Variants in PLCG1 observed in about 807,000 individuals in gnomAD.
The protein encoded by PLCG1 is 1-phosphatidylinositol 4,5-bisphosphate phosphodiesterase gamma-1.
A neutral mutation model predicts 177.8 loss-of-function variants in PLCG1; 71 were observed. That is an observed-to-expected ratio of 0.40 (90% CI 0.33 to 0.49). The LOEUF (loss-of-function observed/expected upper bound fraction) is 0.49, where lower values mean the gene tolerates loss of function less well. Ranked by LOEUF, PLCG1 falls within the 20% of genes least tolerant of loss-of-function variation. The pLI is 0.72. For synonymous variants in PLCG1, 658 were observed against 647.9 expected, an observed-to-expected ratio of 1.02 and a Z score of -0.24; for missense variants, 1,281 against 1,709.0, an observed-to-expected ratio of 0.75 and a Z score of 4.42.
intron 1 of PLCG1, among the ~76,000 whole-genome samples, chr20:41,152,364 CTT>C (rs1162040093): frequency 6.6e-6 from 1 of 152,226 alleles, no homozygotes; most frequent in African/African-American, 2.4e-5. Context: ...CTATAGGAAT[CTT>C]TATGTAAGGA....
rs556073938 is a variant in PLCG1, at chr20:41,166,275, C to T, written c.1881C>T (p.Leu627=). 28 of 1,614,172 alleles carry T rather than the reference C, an allele frequency of 1.7e-5. No individual in the cohort carries two copies. Among genetic ancestry groups the T allele is most frequent in the Middle Eastern group, 1.6e-4 (1 of 6,062 alleles). ...GTPKFFLTDN[L]VFDSLYDLIT... The stretch of plus-strand genomic sequence containing the variant: ...CCAAGTTCTTCTTGACAGACAACCT[C>T]GTCTTTGACTCCCTCTATGACCTCA... Residue 627 remains leucine (L), a synonymous_variant, in exon 17 of 32, where the codon CTC becomes CTT. Transcript: ENST00000685551. The surrounding 1 kb of genome is among the most constrained non-coding windows in gnomAD (Gnocchi z 8.6).
chr20:41,143,673 G>A (rs937499838), intron 1 of PLCG1, among the ~76,000 whole-genome samples: 2 of 152,214 alleles, frequency 1.3e-5, no homozygotes, highest in Non-Finnish European at 2.9e-5. Context: ...GAGCTGAAGT[G>A]CCTGGAGATT....
At position 41,157,204 on chromosome 20, in the gene PLCG1, CTGTGTG is replaced by C. The variant is rs35980938; in HGVS notation, c.218-2370_218-2365del. ...GTGCAGGAGTGCAGGCCTGTTGACTCTGTGTGTGTGTGTGTGTGTGTGTGTGTGTGT... is the reference window on the plus strand; with the variant it reads ...GTGCAGGAGTGCAGGCCTGTTGACTCTGTGTGTGTGTGTGTGTGTGTGTGT... On this transcript the variant is annotated intron_variant, in intron 1 of 31. Transcript: ENST00000685551. The surrounding 1 kb of genome is among the most constrained non-coding windows in gnomAD (Gnocchi z 5.4). 5.2e-3 allele frequency among the ~76,000 whole-genome samples: 745 copies of C among 144,022 alleles called. 4 individuals carry two copies. The highest frequency in any genetic ancestry group is 6.6e-3 in the African/African-American group (245 of 37,326). The allele number at this position is 144,022 out of a possible 152,430, so 94.5% of individuals were successfully genotyped here.
In PLCG1 at chr20:41,163,722, C is replaced by T; in HGVS notation, c.899C>T (p.Thr300Ile). 6.2e-7 allele frequency: 1 copy of T among 1,604,188 alleles called. No individual in the cohort carries two copies. Among genetic ancestry groups the T allele is most frequent in the Non-Finnish European group, 8.5e-7 (1 of 1,170,882 alleles). The change falls in exon 10 of 32, where the codon ACC becomes ATC. Residue 300 changes from threonine (T) to isoleucine (I), a missense_variant. Coordinates refer to ENST00000685551, the MANE Select transcript of PLCG1 (RefSeq NM_002660.3). The surrounding 1 kb of genome is among the most constrained non-coding windows in gnomAD (Gnocchi z 5.2). ...CCACATGTTTCTGGACAGTTTGTCA[C>T]CTTCCTGTTCTCCAAAGAGAACAGT... ...EPYFFLDEFVTFLFSKENSVW... is the reference protein window; with the variant it reads ...EPYFFLDEFVIFLFSKENSVW...
chr20:41,165,749 C>CGAG lies in PLCG1; in HGVS notation c.1723_1725dup (p.Glu575dup), dbSNP rs1568748353. On this transcript the variant is annotated inframe_insertion, in exon 16 of 32. Transcript: ENST00000685551. The surrounding 1 kb of genome is among the most constrained non-coding windows in gnomAD (Gnocchi z 6.6). ...AGCGCCTGCTTACTGAGTACTGCAT[C>CGAG]GAGACCGGAGCCCCTGACGGCTCCT... 1 of 1,612,516 alleles carries CGAG rather than the reference C, an allele frequency of 6.2e-7. No individual in the cohort carries two copies. Among genetic ancestry groups the CGAG allele is most frequent in the Non-Finnish European group, 8.5e-7 (1 of 1,178,874 alleles).
chr20:41,165,192 G>A lies in PLCG1; in HGVS notation c.1387-53G>A, dbSNP rs1464463999. ...GCTGTTGGGCCTAAACCTGGGTGAG[G>A]AGGTGGGGTGAGGACTGGGGTCTGC... On this transcript the variant is annotated intron_variant, in intron 13 of 31. Coordinates refer to ENST00000685551, the MANE Select transcript of PLCG1 (RefSeq NM_002660.3). The surrounding 1 kb of genome is among the most constrained non-coding windows in gnomAD (Gnocchi z 6.6). 2.5e-6 allele frequency: 4 copies of A among 1,608,376 alleles called. No homozygotes were observed. The highest frequency in any genetic ancestry group is 4.5e-5 in the East Asian group (2 of 44,822).
Position 41,148,158 on chromosome 20 carries a change from C to A in PLCG1, c.217+10300C>A, listed in dbSNP as rs2035054020. Among the ~76,000 whole-genome samples, 1 of 152,186 alleles carries A rather than the reference C, an allele frequency of 6.6e-6. No individual in the cohort carries two copies. On this transcript the variant is annotated intron_variant, in intron 1 of 31. Coordinates refer to ENST00000685551, the MANE Select transcript of PLCG1 (RefSeq NM_002660.3). The surrounding 1 kb of genome is among the most constrained non-coding windows in gnomAD (Gnocchi z 4.3). ...CGGTCATTATTTAGAACGTCTCCAG[C>A]CCCACAGATTTACTCTGTTGGAGGC...
chr20:41,145,936 G>A (rs1425129065), intron 1 of PLCG1, among the ~76,000 whole-genome samples: 6 of 152,208 alleles, frequency 3.9e-5, no homozygotes, highest in Non-Finnish European at 1.5e-5. Context: ...TGCAGTGGCT[G>A]TGTGCCCAGG....
intron 1 of PLCG1, among the ~76,000 whole-genome samples, chr20:41,152,036 C>A (rs1365994782): frequency 6.6e-6 from 1 of 152,206 alleles, no homozygotes; most frequent in African/African-American, 2.4e-5. Flanking sequence ...TGGAACTTTT[C>A]TTTGTCCATC....
Position 41,166,406 on chromosome 20 carries a change from GC to G in PLCG1, c.2000+14del. On this transcript the variant is annotated intron_variant, in intron 17 of 31. Transcript: ENST00000685551. This position sits in a 1 kb window ranked among gnomAD's most constrained non-coding sequence, Gnocchi z 8.6. ...CACGAGAGCAAAGAGTGAGGGAAGG[GC>G]CTGGGGGCGGACAAGGCAGGGCAGG... 1 of 1,614,054 alleles carries G rather than the reference GC, an allele frequency of 6.2e-7. No homozygotes were observed. Among genetic ancestry groups the G allele is most frequent in the Non-Finnish European group, 8.5e-7 (1 of 1,180,038 alleles).
At chr20:41,171,444 G>A (rs1038845207) in intron 24 of PLCG1, among the ~76,000 whole-genome samples, 1 of 151,954 alleles carries the variant, frequency 6.6e-6, no homozygotes, top group Non-Finnish European at 1.5e-5. Flanking sequence ...AAAATTAGCC[G>A]GGCATGTTGG....
Position 41,137,886 on chromosome 20 carries a change from C to T in PLCG1, c.217+28C>T. 1.6e-6 allele frequency: 2 copies of T among 1,237,422 alleles called. No homozygotes were observed. The highest frequency in any genetic ancestry group is 2.0e-6 in the Non-Finnish European group (2 of 977,490). 76.7% of individuals were successfully genotyped at this position (1,237,422 alleles called of 1,614,324 possible). ...AAGTGCGCCCACTTCCTGCCTGGGC[C>T]CGCCCCGCGCGGGGGTCGTGGGAGC... On this transcript the variant is annotated intron_variant, in intron 1 of 31. Transcript: ENST00000685551. This position sits in a 1 kb window ranked among gnomAD's most constrained non-coding sequence, Gnocchi z 7.3.
intron 1 of PLCG1, among the ~76,000 whole-genome samples, chr20:41,158,720 C>T (rs181607452): frequency 1.3e-5 from 2 of 152,334 alleles, no homozygotes; most frequent in East Asian, 3.9e-4. Flanking sequence ...GATCACATAG[C>T]TAATGTGAGG....
In PLCG1 at chr20:41,147,301, G is replaced by C. The variant is rs2035025168; in HGVS notation, c.217+9443G>C. Among the ~76,000 whole-genome samples the C allele has an allele frequency of 6.6e-6, 1 of 152,222 alleles. No individual in the cohort carries two copies. Among genetic ancestry groups the C allele is most frequent in the Non-Finnish European group, 1.5e-5 (1 of 68,046 alleles). ...AGGATTTTGCTGAGGGCCTTTTGAGGCCAGCAGTGAAACACAGAGCATTCC... is the reference window on the plus strand; with the variant it reads ...AGGATTTTGCTGAGGGCCTTTTGAGCCCAGCAGTGAAACACAGAGCATTCC... On this transcript the variant is annotated intron_variant, in intron 1 of 31. Coordinates refer to ENST00000685551, the MANE Select transcript of PLCG1 (RefSeq NM_002660.3). This position sits in a 1 kb window ranked among gnomAD's most constrained non-coding sequence, Gnocchi z 4.0.
At chr20:41,169,033 G>C in intron 21 of PLCG1, 46 bp from the exon 22 acceptor site, 1 of 1,457,650 alleles carries the variant, frequency 6.9e-7, no homozygotes, top group Non-Finnish European at 9.6e-7. Flanking sequence ...CTCCTCATGG[G>C]AGTTCGGGGT....
intron 24 of PLCG1, 164 bp downstream of exon 24, chr20:41,170,433 A>T (rs2072880): frequency 0.051 from 33,472 of 655,776 alleles, 4,593 homozygotes; most frequent in East Asian, 0.47. Context: ...AGAAACAGAC[A>T]CATAAGATGC....
chr20:41,165,938 G>A lies in PLCG1; in HGVS notation c.1799+112G>A. The A allele has an allele frequency of 1.1e-6, 1 of 915,930 alleles. No individual in the cohort carries two copies. Among genetic ancestry groups the A allele is most frequent in the Non-Finnish European group, 1.6e-6 (1 of 607,686 alleles). 56.7% of individuals were successfully genotyped at this position (915,930 alleles called of 1,614,324 possible). ...GCCTTTGATCCAGGACAATAATTAG[G>A]CTTTACATGGAACATAATTTCACCT... On this transcript the variant is annotated intron_variant, in intron 16 of 31. Coordinates refer to ENST00000685551, the MANE Select transcript of PLCG1 (RefSeq NM_002660.3). This position sits in a 1 kb window ranked among gnomAD's most constrained non-coding sequence, Gnocchi z 6.6.
chr20:41,169,335 C>A, intron 22 of PLCG1, 122 bp from the exon 23 acceptor site: 2 of 944,730 alleles, frequency 2.1e-6, no homozygotes, highest in Non-Finnish European at 3.4e-6. Context: ...TCCCATATAC[C>A]TGTGCTACAT....
Position 41,156,543 on chromosome 20 carries a change from T to C in PLCG1, c.218-3063T>C, listed in dbSNP as rs2035327192. ...GGATCCTGCCCTTGTTCTCAAAGAG[T>C]TCCTCCTTCTCACTGCCCCATCTTC... On this transcript the variant is annotated intron_variant, in intron 1 of 31. Transcript: ENST00000685551. The surrounding 1 kb of genome is among the most constrained non-coding windows in gnomAD (Gnocchi z 5.0). Among the ~76,000 whole-genome samples the C allele has an allele frequency of 6.6e-6, 1 of 152,130 alleles. No homozygotes were observed. The highest frequency in any genetic ancestry group is 1.9e-4 in the East Asian group (1 of 5,192).
Sources: gnomAD v4.1 joint callset for allele counts (sites outside exome capture counted in the v4.1 genomes callset) on GRCh38, gnomAD v4.1.1 for gene constraint, Gnocchi (gnomAD v3.1) non-coding constraint, MANE v1.5 for transcripts, NCBI Gene and HGNC (gene_info 2026-07-23, HGNC 2026-07-21) for gene names.